ARHGAP32: variants seen among roughly 807,000 people sequenced by gnomAD.
The protein encoded by ARHGAP32 is rho GTPase-activating protein 32.
Under a neutral mutation model 186.5 loss-of-function variants are expected in ARHGAP32, and 51 were observed. That is an observed-to-expected ratio of 0.27 (90% CI 0.22 to 0.35). ARHGAP32 has a LOEUF of 0.35. ARHGAP32 is among the 10% of genes least tolerant of loss of function. The pLI is 1.00. For missense variants in ARHGAP32, 2,186 were observed against 2,623.5 expected, an observed-to-expected ratio of 0.83 and a Z score of 3.64; for synonymous variants, 950 against 964.3, an observed-to-expected ratio of 0.99 and a Z score of 0.27.
chr11:129,068,001 T>C (rs758607020), intron 6 of ARHGAP32, among the ~76,000 whole-genome samples: 46 of 152,078 alleles, frequency 3.0e-4, no homozygotes, highest in Non-Finnish European at 5.9e-4. Context: ...CTTCTACACT[T>C]GACCTTGGCT....
At chr11:129,043,540 C>G (rs565702210) in intron 10 of ARHGAP32, among the ~76,000 whole-genome samples, 1 of 151,968 alleles carries the variant, frequency 6.6e-6, no homozygotes, top group Admixed American at 6.6e-5. Flanking sequence ...GCGTGCGCCA[C>G]CATGCCCGGC....
intron 12 of ARHGAP32, among the ~76,000 whole-genome samples, chr11:128,997,818 C>T (rs1946242865): frequency 6.6e-6 from 1 of 152,038 alleles, no homozygotes; most frequent in Non-Finnish European, 1.5e-5. Flanking sequence ...TGCCTGAGCC[C>T]AGGAATTCAA....
chr11:129,219,973 T>A (rs56869840), intron 1 of ARHGAP32, among the ~76,000 whole-genome samples: 19,169 of 152,122 alleles, frequency 0.13, 1,362 homozygotes, highest in Non-Finnish European at 0.16. Flanking sequence ...GCCATACAGT[T>A]TTCAAACACA....
intron 1 of ARHGAP32, among the ~76,000 whole-genome samples, chr11:129,260,829 C>T (rs1945312166): frequency 1.3e-5 from 2 of 152,132 alleles, no homozygotes; most frequent in South Asian, 4.1e-4. Flanking sequence ...AAAAGGGTTA[C>T]ATAAGCATCT....
intron 20 of ARHGAP32, among the ~76,000 whole-genome samples, 155 bp downstream of exon 20, chr11:128,976,408 A>G (rs142342960): frequency 3.9e-5 from 6 of 152,342 alleles, no homozygotes; most frequent in African/African-American, 1.4e-4. Flanking sequence ...GCATCAATGA[A>G]TTTTAATCTG....
At chr11:129,170,759 G>C (rs2135503197) in intron 1 of ARHGAP32, among the ~76,000 whole-genome samples, 1 of 152,302 alleles carries the variant, frequency 6.6e-6, no homozygotes, top group Non-Finnish European at 1.5e-5. Flanking sequence ...TCTTCCACAA[G>C]GGTTGAACTA....
intron 19 of ARHGAP32, among the ~76,000 whole-genome samples, chr11:128,978,181 A>T (rs1340637514): frequency 6.6e-6 from 1 of 152,202 alleles, no homozygotes; most frequent in Non-Finnish European, 1.5e-5. Context: ...AAACTGAATG[A>T]CGAATTAAAT....
In ARHGAP32 at chr11:129,260,428, C is replaced by G. The variant is rs952352522; in HGVS notation, c.-5+18718G>C. 2.0e-5 allele frequency among the ~76,000 whole-genome samples: 3 copies of G among 151,922 alleles called. No homozygotes were observed. The South Asian group carries it at 6.2e-4, about 32-fold the overall frequency. On this transcript the variant is annotated intron_variant, in intron 1 of 6. Transcript: ENST00000525234. ...AGATAAAAAGTGAATAAATTTATTACGGGCTTTCATACAGAGTTATAAACT... is the reference window on the plus strand; with the variant it reads ...AGATAAAAAGTGAATAAATTTATTAGGGGCTTTCATACAGAGTTATAAACT...
At chr11:128,988,150 G>A in intron 12 of ARHGAP32, 25 bp from the exon 13 acceptor site, 2 of 1,569,830 alleles carry the variant, frequency 1.3e-6, no homozygotes, top group Non-Finnish European at 1.7e-6. Flanking sequence ...TAAAGAAACA[G>A]ATGAAATTGT....
intron 1 of ARHGAP32, among the ~76,000 whole-genome samples, chr11:129,254,323 G>C (rs1191126751): frequency 1.3e-5 from 2 of 151,942 alleles, no homozygotes; most frequent in African/African-American, 4.8e-5. Flanking sequence ...TATCATATTT[G>C]ATGACATGTC....
chr11:128,997,231 G>A (rs1448398448), intron 12 of ARHGAP32, among the ~76,000 whole-genome samples: 1 of 151,496 alleles, frequency 6.6e-6, no homozygotes, highest in Non-Finnish European at 1.5e-5. Flanking sequence ...GGTTTTTTTT[G>A]TTTTTGTTTT....
At chr11:128,993,157 T>C (rs1013605786) in intron 12 of ARHGAP32, 8 of 152,242 alleles carry the variant, frequency 5.3e-5, no homozygotes, top group African/African-American at 1.9e-4. Flanking sequence ...TAAGATAATC[T>C]CCCTATAAAG....
At chr11:129,174,835 A>T (rs1394111445) in intron 1 of ARHGAP32, among the ~76,000 whole-genome samples, 1 of 151,080 alleles carries the variant, frequency 6.6e-6, no homozygotes, top group African/African-American at 2.4e-5. Context: ...AACCACAAAG[A>T]TGGGGAAAAA....
intron 1 of ARHGAP32, among the ~76,000 whole-genome samples, chr11:129,174,077 G>T (rs1943838914): frequency 6.6e-6 from 1 of 152,184 alleles, no homozygotes; most frequent in Non-Finnish European, 1.5e-5. Flanking sequence ...CAGGACAGTG[G>T]GTGCGCGCAC....
chr11:129,091,955 G>A (rs1941589359), intron 6 of ARHGAP32, among the ~76,000 whole-genome samples: 1 of 151,962 alleles, frequency 6.6e-6, no homozygotes, highest in African/African-American at 2.4e-5. Context: ...TAAGCCATGG[G>A]AATATATCAA....
At chr11:129,133,249 A>G (rs2135408843) in intron 2 of ARHGAP32, among the ~76,000 whole-genome samples, 1 of 152,340 alleles carries the variant, frequency 6.6e-6, no homozygotes, top group Admixed American at 6.5e-5. Context: ...AAGACTGACA[A>G]AATATGAACA....
chr11:129,043,309 T>C (rs985702060), intron 10 of ARHGAP32, among the ~76,000 whole-genome samples: 8 of 152,156 alleles, frequency 5.3e-5, no homozygotes, highest in African/African-American at 1.9e-4. Flanking sequence ...AGTTGAATTA[T>C]GTTCAAGCTT....
intron 11 of ARHGAP32, among the ~76,000 whole-genome samples, chr11:129,029,295 T>G (rs1047886592): frequency 1.3e-5 from 2 of 152,186 alleles, no homozygotes; most frequent in African/African-American, 4.8e-5. Context: ...TTATGTCTAT[T>G]CAAGGTTCTA....
At chr11:129,258,727 A>G (rs1291180117) in intron 1 of ARHGAP32, among the ~76,000 whole-genome samples, 1 of 152,220 alleles carries the variant, frequency 6.6e-6, no homozygotes, top group Non-Finnish European at 1.5e-5. Flanking sequence ...TCAAAGCTAA[A>G]CTTCCTAAAT....
Sources: allele counts gnomAD v4.1 joint callset (sites outside exome capture counted in the v4.1 genomes callset), GRCh38; gene constraint gnomAD v4.1.1; transcripts MANE v1.5; gene names NCBI Gene and HGNC (gene_info 2026-07-23, HGNC 2026-07-21).